Variants in GRM1 observed in about 807,000 individuals in gnomAD.
The protein encoded by GRM1 is glutamate metabotropic receptor 1.
A neutral mutation model predicts 90.9 loss-of-function variants in GRM1; 33 were observed. The ratio of observed to expected loss-of-function variants is 0.36; its 90% CI spans 0.28 to 0.49. GRM1 has a LOEUF of 0.49. GRM1 is among the 20% of genes least tolerant of loss of function. The pLI is 0.99. For missense variants in GRM1, 1,190 were observed against 1,534.3 expected (o/e 0.78, Z 3.75); for synonymous variants, 700 against 613.2 (o/e 1.14, Z -2.09).
At chr6:146,395,495 G>A (rs1776894589) in intron 6 of GRM1, among the ~76,000 whole-genome samples, 2 of 151,906 alleles carry the variant, frequency 1.3e-5, no homozygotes, top group African/African-American at 4.8e-5. Flanking sequence ...ACACCACTGG[G>A]TTACTTTAAT....
chr6:146,394,346 T>A (rs1187585016), intron 6 of GRM1, among the ~76,000 whole-genome samples: 1 of 152,232 alleles, frequency 6.6e-6, no homozygotes, highest in East Asian at 1.9e-4. Flanking sequence ...ATAATAAAGA[T>A]GAACTCAGAT....
intron 3 of GRM1, among the ~76,000 whole-genome samples, chr6:146,330,373 C>A (rs1784546438): frequency 6.6e-6 from 1 of 152,058 alleles, no homozygotes; most frequent in African/African-American, 2.4e-5. Context: ...ACTAGGGAAA[C>A]AATGTAAAAT....
At chr6:146,041,937 G>C (rs1484507429) in intron 1 of GRM1, among the ~76,000 whole-genome samples, 1 of 151,976 alleles carries the variant, frequency 6.6e-6, no homozygotes, top group Non-Finnish European at 1.5e-5. Flanking sequence ...CACAAGTTTG[G>C]TGTCTGGTGA....
At chr6:146,180,112 G>A (rs1047072807) in intron 2 of GRM1, among the ~76,000 whole-genome samples, 1 of 152,074 alleles carries the variant, frequency 6.6e-6, no homozygotes, top group East Asian at 1.9e-4. Flanking sequence ...CTAGGTGACA[G>A]AGCAAAATCC....
intron 3 of GRM1, among the ~76,000 whole-genome samples, chr6:146,337,679 T>G (rs978228514): frequency 6.6e-6 from 1 of 152,200 alleles, no homozygotes; most frequent in Non-Finnish European, 1.5e-5. Context: ...AGCACAATGA[T>G]GTACTTGGTG....
At chr6:146,104,642 G>A (rs1030435399) in intron 1 of GRM1, among the ~76,000 whole-genome samples, 1 of 152,154 alleles carries the variant, frequency 6.6e-6, no homozygotes, top group Non-Finnish European at 1.5e-5. Context: ...TTTCCGAAAG[G>A]CAAAGGTCAA....
At chr6:146,164,334 G>A (rs981578881) in intron 2 of GRM1, among the ~76,000 whole-genome samples, 12 of 152,012 alleles carry the variant, frequency 7.9e-5, no homozygotes, top group African/African-American at 2.9e-4. Flanking sequence ...TACATATATA[G>A]GTATTGAATT....
chr6:146,169,003 T>C lies in GRM1; in HGVS notation c.950+9406T>C, dbSNP rs147106696. Among the ~76,000 whole-genome samples, 215 of 152,270 alleles carry C rather than the reference T, an allele frequency of 1.4e-3. 4 individuals carry two copies. The East Asian group carries it at 0.041, about 29-fold the overall frequency. The stretch of plus-strand genomic sequence containing the variant: ...TGATCAAATTTGGAAAAATGGCCAT[T>C]ATTTCTTCAAATATTATTTCTGCCT... On this transcript the variant is annotated intron_variant, in intron 2 of 7. Coordinates refer to ENST00000282753, the MANE Select transcript of GRM1 (RefSeq NM_001278064.2).
At chr6:146,322,455 G>A (rs543020000) in intron 3 of GRM1, among the ~76,000 whole-genome samples, 36 of 152,310 alleles carry the variant, frequency 2.4e-4, no homozygotes, top group South Asian at 4.1e-4. Flanking sequence ...TTCAGAGCTG[G>A]CAGGCAGGAA....
intron 7 of GRM1, among the ~76,000 whole-genome samples, chr6:146,406,282 C>G (rs1477510831): frequency 6.6e-6 from 1 of 152,148 alleles, no homozygotes; most frequent in Non-Finnish European, 1.5e-5. Flanking sequence ...GGTTCTCACT[C>G]ACCTGTGTTG....
intron 1 of GRM1, among the ~76,000 whole-genome samples, chr6:146,039,893 T>C (rs944566786): frequency 2.0e-5 from 3 of 151,968 alleles, no homozygotes; most frequent in African/African-American, 7.2e-5. Flanking sequence ...AATCGCAGAC[T>C]GGGAAAAAAT....
chr6:146,329,848 A>G (rs1784525864), intron 3 of GRM1, among the ~76,000 whole-genome samples: 1 of 152,194 alleles, frequency 6.6e-6, no homozygotes, highest in Non-Finnish European at 1.5e-5. Flanking sequence ...TGAATATTTC[A>G]TGTAATTTAT....
chr6:146,359,156 A>C (rs1040214480), intron 5 of GRM1, among the ~76,000 whole-genome samples: 2 of 152,178 alleles, frequency 1.3e-5, no homozygotes, highest in African/African-American at 4.8e-5. Context: ...GTGTAAAAGT[A>C]GTATGTATGG....
chr6:146,401,328 C>T (rs1012001576), intron 7 of GRM1, among the ~76,000 whole-genome samples: 8 of 151,918 alleles, frequency 5.3e-5, no homozygotes, highest in Admixed American at 3.3e-4. Flanking sequence ...TTTCCTCTTA[C>T]CATGTTTTTT....
At chr6:146,045,749 C>CAAAAAAAAA (rs58055832) in intron 1 of GRM1, among the ~76,000 whole-genome samples, 6 of 87,404 alleles carry the variant, frequency 6.9e-5, no homozygotes, top group African/African-American at 8.2e-5. Context: ...TGGAATACAG[C>CAAAAAAAAA]AAAAAAAAAA....
chr6:146,299,177 A>G (rs1446199169), intron 2 of GRM1, among the ~76,000 whole-genome samples: 4 of 152,216 alleles, frequency 2.6e-5, no homozygotes, highest in Non-Finnish European at 2.9e-5. Flanking sequence ...TGGCCACCCA[A>G]TCAAAAATAT....
At chr6:146,376,207 G>A (rs976484569) in intron 5 of GRM1, among the ~76,000 whole-genome samples, 1 of 151,914 alleles carries the variant, frequency 6.6e-6, no homozygotes, top group Non-Finnish European at 1.5e-5. Context: ...ACTTTTTGTT[G>A]TTTCTATATT....
chr6:146,088,134 A>G (rs75385786), intron 1 of GRM1, among the ~76,000 whole-genome samples: 3,389 of 152,164 alleles, frequency 0.022, 50 homozygotes, highest in Admixed American at 0.032. Context: ...AACTATTCTG[A>G]TATGTGTACT....
intron 2 of GRM1, among the ~76,000 whole-genome samples, chr6:146,224,708 T>C (rs1780181312): frequency 6.6e-6 from 1 of 152,146 alleles, no homozygotes; most frequent in Non-Finnish European, 1.5e-5. Context: ...GGAGAGAGCC[T>C]GGTAAAATCG....
Sources: allele counts gnomAD v4.1 joint callset (sites outside exome capture counted in the v4.1 genomes callset), GRCh38; gene constraint gnomAD v4.1.1; transcripts MANE v1.5; gene names NCBI Gene and HGNC (gene_info 2026-07-23, HGNC 2026-07-21).